Variants in STK10 observed in about 807,000 individuals in gnomAD.
STK10 encodes serine/threonine-protein kinase 10.
STK10 carries 78 observed loss-of-function variants against 113.8 expected under a neutral mutation model. That is an observed-to-expected ratio of 0.69 (90% CI 0.57 to 0.83). STK10 has a LOEUF of 0.83. Among genes scored for constraint, STK10 ranks in the 40% least tolerant of loss-of-function variants. STK10 has a pLI of 0.00. For synonymous variants in STK10, 465 were observed against 494.7 expected, an observed-to-expected ratio of 0.94 and a Z score of 0.80; for missense variants, 1,109 against 1,280.1, an observed-to-expected ratio of 0.87 and a Z score of 2.04.
At chr5:172,065,173 A>AATCCCTC (rs1404688616) in intron 12 of STK10, among the ~76,000 whole-genome samples, 2 of 152,096 alleles carry the variant, frequency 1.3e-5, no homozygotes, top group African/African-American at 4.8e-5. Context: ...ATTTTTCCCT[A>AATCCCTC]ATCCCTCTCC....
chr5:172,119,165 T>G (rs1244761054), intron 3 of STK10, among the ~76,000 whole-genome samples: 1 of 149,616 alleles, frequency 6.7e-6, no homozygotes, highest in East Asian at 2.0e-4. Flanking sequence ...TCCCTGAGGT[T>G]CACAGGTTGA....
chr5:172,135,108 A>G (rs1001069755), intron 2 of STK10, among the ~76,000 whole-genome samples: 14 of 152,190 alleles, frequency 9.2e-5, no homozygotes, highest in Non-Finnish European at 1.8e-4. Context: ...AAGATGTACA[A>G]ATGGCCACTA....
chr5:172,068,439 T>C (rs73319814), intron 12 of STK10, among the ~76,000 whole-genome samples: 2,927 of 152,290 alleles, frequency 0.019, 87 homozygotes, highest in African/African-American at 0.066. Context: ...TAGGAAACTT[T>C]GTGGTCAGGA....
intron 13 of STK10, among the ~76,000 whole-genome samples, chr5:172,063,177 G>A (rs532275669): frequency 1.7e-3 from 263 of 152,036 alleles, no homozygotes; most frequent in Non-Finnish European, 3.0e-3. Context: ...TTGAACCCAG[G>A]AGGCAGAGGT....
intron 1 of STK10, among the ~76,000 whole-genome samples, chr5:172,174,212 A>T (rs1180124286): frequency 6.6e-6 from 1 of 151,808 alleles, no homozygotes; most frequent in African/African-American, 2.4e-5. Flanking sequence ...ACTCTTGTTG[A>T]CCAGGCTGGA....
At chr5:172,051,442 T>C (rs1421531150) in intron 18 of STK10, among the ~76,000 whole-genome samples, 1 of 151,296 alleles carries the variant, frequency 6.6e-6, no homozygotes, top group Non-Finnish European at 1.5e-5. Context: ...CTGGACAACA[T>C]GGTGAAACCC....
In STK10 at chr5:172,082,966, T is replaced by C. The variant is rs1768467374; in HGVS notation, c.1804A>G (p.Ile602Val). The C allele has an allele frequency of 6.2e-7, 1 of 1,613,496 alleles. No individual in the cohort carries two copies. Among genetic ancestry groups the C allele is most frequent in the South Asian group, 1.1e-5 (1 of 91,028 alleles). ...EQMHKRFEQE[I>V]NAKKKFFDTE... ...CCATCTTTTCTCGCACTCACGTTGA[T>C]TTCCTGTTCAAAACGTTTATGCATT... The change falls in exon 11 of 19, where the codon ATC (isoleucine) becomes GTC (valine). Residue 602 changes from isoleucine to valine, a missense_variant. Coordinates refer to ENST00000176763, the MANE Select transcript of STK10 (RefSeq NM_005990.4). The surrounding 1 kb of genome is among the most constrained non-coding windows in gnomAD (Gnocchi z 4.3).
intron 1 of STK10, among the ~76,000 whole-genome samples, chr5:172,174,707 G>T (rs1330011342): frequency 2.0e-5 from 3 of 152,162 alleles, no homozygotes; most frequent in Non-Finnish European, 4.4e-5. Context: ...CTCTGAGGAG[G>T]GAATCTGAGT....
In STK10 at chr5:172,082,404, C is replaced by T. The variant is rs1376358921; in HGVS notation, c.1911G>A (p.Glu637=). 5 of 1,611,360 alleles carry T rather than the reference C, an allele frequency of 3.1e-6. No homozygotes were observed. The highest frequency in any genetic ancestry group is 4.2e-6 in the Non-Finnish European group (5 of 1,178,792). The part of the protein sequence containing the change: ...MEQDHAVRRR[E]EARRIRLEQD... ...GCTCCAGGCGGATCCGCCTGGCCTC[C>T]TCCCGGCGGCGCACGGCATGGTCTT... The change falls in exon 12 of 19, where the codon GAG becomes GAA. Residue 637 remains glutamate, a synonymous_variant. Coordinates refer to ENST00000176763, the MANE Select transcript of STK10 (RefSeq NM_005990.4). This position sits in a 1 kb window ranked among gnomAD's most constrained non-coding sequence, Gnocchi z 4.3.
At chr5:172,156,978 T>G (rs549878284) in intron 1 of STK10, among the ~76,000 whole-genome samples, 190 bp from the exon 2 acceptor site, 1 of 152,196 alleles carries the variant, frequency 6.6e-6, no homozygotes, top group East Asian at 1.9e-4. Flanking sequence ...CATACACCCC[T>G]ACAACACTAT....
intron 16 of STK10, among the ~76,000 whole-genome samples, 196 bp from the exon 17 acceptor site, chr5:172,054,890 G>GC (rs1213619898): frequency 1.3e-5 from 2 of 152,208 alleles, no homozygotes; most frequent in Non-Finnish European, 2.9e-5. Context: ...CCCTCGAGGA[G>GC]CCCCCAGGCT....
In STK10 at chr5:172,054,710, G is replaced by A; in HGVS notation, c.2527-16C>T. The A allele has an allele frequency of 6.2e-7, 1 of 1,607,264 alleles. No homozygotes were observed. Among genetic ancestry groups the A allele is most frequent in the Non-Finnish European group, 8.5e-7 (1 of 1,179,934 alleles). On this transcript the variant is annotated splice_polypyrimidine_tract_variant and intron_variant, in intron 16 of 18. Coordinates refer to ENST00000176763, the MANE Select transcript of STK10 (RefSeq NM_005990.4). Reference sequence around the variant, plus strand: ...GCTGGGAGAACTGCACCAGAGAGAGGGTGGGTGCCTCAGGGGACCAGGGCC... The same window carrying A: ...GCTGGGAGAACTGCACCAGAGAGAGAGTGGGTGCCTCAGGGGACCAGGGCC...
At chr5:172,174,744 A>G (rs1010435182) in intron 1 of STK10, among the ~76,000 whole-genome samples, 4 of 152,164 alleles carry the variant, frequency 2.6e-5, no homozygotes, top group Non-Finnish European at 5.9e-5. Context: ...AGGAGGAGCC[A>G]GCTGTACAGA....
intron 4 of STK10, among the ~76,000 whole-genome samples, chr5:172,110,769 C>T (rs903693363): frequency 1.3e-5 from 2 of 152,110 alleles, no homozygotes; most frequent in African/African-American, 4.8e-5. Context: ...AGAACCATTG[C>T]GCAGGTTTTC....
Position 172,082,824 on chromosome 5 carries a change from G to T in STK10, c.1809+137C>A. The T allele has an allele frequency of 7.3e-7, 1 of 1,377,888 alleles. No homozygotes were observed. Among genetic ancestry groups the T allele is most frequent in the Middle Eastern group, 2.7e-4 (1 of 3,736 alleles). The allele number at this position is 1,377,888 out of a possible 1,614,324, so 85.4% of individuals were successfully genotyped here. A position where few individuals can be genotyped will look rare whatever the true frequency, so the allele number is the denominator to read the frequency against. On this transcript the variant is annotated intron_variant, in intron 11 of 18. Transcript: ENST00000176763. This position sits in a 1 kb window ranked among gnomAD's most constrained non-coding sequence, Gnocchi z 4.3. ...GTGTTAACAAGTCACTGCCTAACAA[G>T]ATCGGGAAGCCCCCAGGAATTGGGC...
At chr5:172,063,398 G>A (rs1248737054) in intron 13 of STK10, 2 of 152,138 alleles carry the variant, frequency 1.3e-5, no homozygotes, top group Admixed American at 6.5e-5. Context: ...ACAACAGGGT[G>A]TCTCTAGGTT....
At position 172,061,223 on chromosome 5, in the gene STK10, T is replaced by C. The variant is rs771252561; in HGVS notation, c.2128A>G (p.Met710Val). 1.2e-6 allele frequency: 2 copies of C among 1,613,420 alleles called. No homozygotes were observed. Among genetic ancestry groups the C allele is most frequent in the African/African-American group, 1.3e-5 (1 of 74,816 alleles). ...CTGTTGTCGGTGGTGAGCCTCTTCA[T>C]GGCCAGCTCCAGGTCCTCCTTCTGC... ...AKQKEDLELA[M>V]KRLTTDNRRE... The change falls in exon 14 of 19, where the codon ATG (methionine) becomes GTG (valine). Residue 710 changes from methionine to valine, a missense_variant. Physicochemically the swap from Met to Val is conservative, Grantham distance 21. Coordinates refer to ENST00000176763, the MANE Select transcript of STK10 (RefSeq NM_005990.4).
At chr5:172,056,194 C>T (rs1359285285) in intron 15 of STK10, among the ~76,000 whole-genome samples, 4 of 152,240 alleles carry the variant, frequency 2.6e-5, no homozygotes, top group African/African-American at 7.2e-5. Flanking sequence ...ATCACCTCCT[C>T]CAAGAAGCCT....
intron 12 of STK10, among the ~76,000 whole-genome samples, chr5:172,080,033 C>T (rs1768396541): frequency 6.6e-6 from 1 of 152,118 alleles, no homozygotes; most frequent in African/African-American, 2.4e-5. Context: ...GTCATTTTTC[C>T]AAAAGCATGT....
Sources: allele counts gnomAD v4.1 joint callset (sites outside exome capture counted in the v4.1 genomes callset), GRCh38; gene constraint gnomAD v4.1.1; non-coding constraint Gnocchi (gnomAD v3.1); transcripts MANE v1.5; gene names NCBI Gene and HGNC (gene_info 2026-07-23, HGNC 2026-07-21).